SV2C: variants seen among roughly 807,000 people sequenced by gnomAD.
The protein encoded by SV2C is synaptic vesicle glycoprotein 2C.
SV2C carries 49 observed loss-of-function variants against 79.7 expected under a neutral mutation model. The observed-to-expected ratio is 0.61, with a 90% confidence interval of 0.49 to 0.78. The LOEUF (loss-of-function observed/expected upper bound fraction) is 0.78, where lower values mean the gene tolerates loss of function less well. Ranked by LOEUF, SV2C falls within the 30% of genes least tolerant of loss-of-function variation. The probability of loss-of-function intolerance (pLI) is 0.00; values close to 1 mark genes in which losing one functional copy is unlikely to be tolerated. For missense variants in SV2C, 833 were observed against 912.9 expected (o/e 0.91, Z 1.13); for synonymous variants, 334 against 333.2 (o/e 1.00, Z -0.03).
intron 12 of SV2C, among the ~76,000 whole-genome samples, chr5:76,312,211 C>T (rs1263988944): frequency 1.3e-5 from 2 of 151,918 alleles, no homozygotes; most frequent in Non-Finnish European, 2.9e-5. Flanking sequence ...GTGGCCAAGT[C>T]CCCTGCTCAC....
At chr5:75,969,348 G>A in the SV2C span, among the ~76,000 whole-genome samples, 2 of 152,132 alleles carry the variant, frequency 1.3e-5, no homozygotes, top group Non-Finnish European at 2.9e-5. Context: ...ATGTAAATGG[G>A]CTAAGTTCTC....
the SV2C span, among the ~76,000 whole-genome samples, chr5:75,851,795 G>T: frequency 2.0e-5 from 3 of 152,340 alleles, no homozygotes; most frequent in Non-Finnish European, 4.4e-5. Flanking sequence ...GACTACAGGC[G>T]CATGGCGCCA....
At chr5:75,993,941 A>G in the SV2C span, among the ~76,000 whole-genome samples, 1 of 152,076 alleles carries the variant, frequency 6.6e-6, no homozygotes, top group African/African-American at 2.4e-5. Context: ...AGCACAAAGA[A>G]TTTTTCAAGC....
chr5:76,157,303 A>G (rs1742758856), intron 2 of SV2C, among the ~76,000 whole-genome samples: 1 of 152,138 alleles, frequency 6.6e-6, no homozygotes, highest in Admixed American at 6.5e-5. Context: ...TAAAAATCTT[A>G]TATTCAGCAA....
chr5:76,035,794 G>T, the SV2C span, among the ~76,000 whole-genome samples: 16 of 151,958 alleles, frequency 1.1e-4, no homozygotes, highest in Admixed American at 4.6e-4. Flanking sequence ...CAATTCCTGG[G>T]TATCCTTGTT....
At chr5:75,944,474 C>A in the SV2C span, among the ~76,000 whole-genome samples, 1 of 152,000 alleles carries the variant, frequency 6.6e-6, no homozygotes, top group Non-Finnish European at 1.5e-5. Context: ...CAGACTACAG[C>A]CTATCTCTCC....
the SV2C span, chr5:75,910,288 C>A: frequency 2.0e-6 from 1 of 504,726 alleles, no homozygotes; most frequent in South Asian, 1.5e-5. Context: ...ATTAGTTTTC[C>A]ATGGTCCTCA....
chr5:76,113,644 A>G (rs557627810), intron 1 of SV2C, among the ~76,000 whole-genome samples: 2 of 152,194 alleles, frequency 1.3e-5, no homozygotes, highest in South Asian at 2.1e-4. Flanking sequence ...TTGTCCCCCA[A>G]TATCTAACTT....
chr5:75,948,721 C>T, the SV2C span, among the ~76,000 whole-genome samples: 2 of 151,756 alleles, frequency 1.3e-5, no homozygotes, highest in Admixed American at 1.3e-4. Context: ...AATATAAAAG[C>T]CCTGAGTATG....
At chr5:75,868,843 C>T in the SV2C span, among the ~76,000 whole-genome samples, 4 of 152,172 alleles carry the variant, frequency 2.6e-5, no homozygotes, top group Non-Finnish European at 4.4e-5. Context: ...TAAATATGTC[C>T]TCTGACCAGC....
chr5:75,867,827 T>G, the SV2C span, among the ~76,000 whole-genome samples: 1 of 152,214 alleles, frequency 6.6e-6, no homozygotes, highest in Non-Finnish European at 1.5e-5. Flanking sequence ...CAGCAAAAGC[T>G]GTGTGCTGAG....
At chr5:76,065,394 A>T in the SV2C span, among the ~76,000 whole-genome samples, 2 of 152,196 alleles carry the variant, frequency 1.3e-5, no homozygotes, top group Non-Finnish European at 2.9e-5. Flanking sequence ...ACCAGAAATT[A>T]TAAAAATCAA....
chr5:76,186,791 C>A (rs895771351), intron 2 of SV2C, among the ~76,000 whole-genome samples: 2 of 53,622 alleles, frequency 3.7e-5, no homozygotes. Context: ...CTTCACAGGA[C>A]AGCAGGAGAA....
chr5:76,139,836 TTTTAGAAGCTCTTGAAA>T (rs1335836289), intron 2 of SV2C, among the ~76,000 whole-genome samples: 4 of 151,852 alleles, frequency 2.6e-5, no homozygotes, highest in Non-Finnish European at 4.4e-5. Context: ...TTTTTTCCAT[TTTTAGAAGCTCTTGAAA>T]GTATTTTTTT....
chr5:76,049,063 C>T, the SV2C span, among the ~76,000 whole-genome samples: 6 of 140,618 alleles, frequency 4.3e-5, no homozygotes, highest in African/African-American at 1.3e-4. Flanking sequence ...AGGGGCTGGG[C>T]GCGGTGGCTC....
At chr5:75,953,646 G>C in the SV2C span, among the ~76,000 whole-genome samples, 1 of 151,916 alleles carries the variant, frequency 6.6e-6, no homozygotes, top group African/African-American at 2.4e-5. Context: ...AAGTGGCAGA[G>C]TGGACATCCA....
At chr5:75,965,196 T>C in the SV2C span, among the ~76,000 whole-genome samples, 2 of 152,122 alleles carry the variant, frequency 1.3e-5, no homozygotes, top group African/African-American at 4.8e-5. Context: ...CCATAAGAGA[T>C]TGGGGCTTAC....
Position 76,350,316 on chromosome 5 carries a change from G to A in SV2C, c.2001-2814G>A, listed in dbSNP as rs377579025. Among the ~76,000 whole-genome samples the A allele has an allele frequency of 3.1e-4, 47 of 152,256 alleles. 1 individual carries two copies. The South Asian group carries it at 9.5e-3, about 31-fold the overall frequency. On this transcript the variant is annotated intron_variant, in intron 12 of 12. Transcript: ENST00000322285. ...CCAGAGAAGCAAAGGGCCAGGAAGA[G>A]AGAAGGAAGAAGAAGGGATATGGGA...
At chr5:75,875,809 A>C in the SV2C span, among the ~76,000 whole-genome samples, 1 of 151,638 alleles carries the variant, frequency 6.6e-6, no homozygotes. Context: ...GTGGCCAACA[A>C]GCATATATAA....
Sources: allele counts gnomAD v4.1 joint callset (sites outside exome capture counted in the v4.1 genomes callset), GRCh38; gene constraint gnomAD v4.1.1; transcripts MANE v1.5; gene names NCBI Gene and HGNC (gene_info 2026-07-23, HGNC 2026-07-21).